Variants in TMEM39B observed in about 807,000 individuals in gnomAD.
TMEM39B encodes the protein transmembrane protein 39B.
Under a neutral mutation model 52.2 loss-of-function variants are expected in TMEM39B, and 23 were observed. The observed-to-expected ratio is 0.44, with a 90% confidence interval of 0.32 to 0.62. The LOEUF (loss-of-function observed/expected upper bound fraction) is 0.62, where lower values mean the gene tolerates loss of function less well. TMEM39B is among the 20% of genes least tolerant of loss of function. TMEM39B has a pLI of 0.06. For missense variants in TMEM39B, 547 were observed against 642.0 expected (o/e 0.85, Z 1.60); for synonymous variants, 285 against 264.0 (o/e 1.08, Z -0.77).
At chr1:32,093,569 G>T (rs1304017259) in intron 6 of TMEM39B, among the ~76,000 whole-genome samples, 1 of 149,900 alleles carries the variant, frequency 6.7e-6, no homozygotes, top group African/African-American at 2.5e-5. Context: ...GCAGCACCAT[G>T]CCCGGCTAAT....
intron 5 of TMEM39B, among the ~76,000 whole-genome samples, chr1:32,081,039 A>G (rs1051329823): frequency 6.6e-6 from 1 of 151,948 alleles, no homozygotes; most frequent in African/African-American, 2.4e-5. Flanking sequence ...CTAAAAATAA[A>G]TAAATAAATA....
At chr1:32,075,485 G>A (rs1639815376) in intron 2 of TMEM39B, 118 bp from the exon 3 acceptor site, 2 of 1,039,304 alleles carry the variant, frequency 1.9e-6, no homozygotes, top group African/African-American at 1.6e-5. Context: ...GGATTAGGAA[G>A]ACCCCGTCCT....
Position 32,091,738 on chromosome 1 carries a change from C to T in TMEM39B, c.654C>T (p.Asn218=). The T allele has an allele frequency of 6.2e-7, 1 of 1,614,190 alleles. No individual in the cohort carries two copies. Among genetic ancestry groups the T allele is most frequent in the South Asian group, 1.1e-5 (1 of 91,080 alleles). Residue 218 remains asparagine, a synonymous_variant, in exon 6 of 9, where the codon AAC becomes AAT. Coordinates refer to ENST00000336294, the MANE Select transcript of TMEM39B (RefSeq NM_018056.4). ...ACCTCCGCAAGACAAGCCTCTTCAACCACATGGCCTCCATGGGGCCCCGGG... is the reference window on the plus strand; with the variant it reads ...ACCTCCGCAAGACAAGCCTCTTCAATCACATGGCCTCCATGGGGCCCCGGG... ...NCDLRKTSLF[N]HMASMGPREA...
Position 32,074,994 on chromosome 1 carries a change from G to A in TMEM39B, c.48G>A (p.Pro16=), listed in dbSNP as rs769208259. 9 of 1,551,464 alleles carry A rather than the reference G, an allele frequency of 5.8e-6. No homozygotes were observed. The highest frequency in any genetic ancestry group is 2.7e-5 in the African/African-American group (2 of 73,024). Residue 16 remains proline (P), a synonymous_variant, in exon 2 of 9, where the codon CCG becomes CCA. Coordinates refer to ENST00000336294, the MANE Select transcript of TMEM39B (RefSeq NM_018056.4). The part of the protein sequence containing the change: ...GPNRTSYCRN[P]LCEPGSSGGS... ...ACAGGACATCTTACTGTCGAAATCC[G>A]CTCTGTGAGCCGGGATCCTCGGGGG...
At chr1:32,089,697 A>G (rs1018450528) in intron 5 of TMEM39B, among the ~76,000 whole-genome samples, 1 of 148,382 alleles carries the variant, frequency 6.7e-6, no homozygotes, top group African/African-American at 2.5e-5. Flanking sequence ...CCCAGGCTGG[A>G]GTGCAGTGGT....
rs1178215057 is a variant in TMEM39B, at chr1:32,076,103, CTTTTTT to C, written c.351+301_351+306del. 7.6e-3 allele frequency: 581 copies of C among 76,236 alleles called. 5 individuals carry two copies. Among genetic ancestry groups the C allele is most frequent in the African/African-American group, 0.03 (558 of 18,740 alleles). 4.7% of individuals were successfully genotyped at this position (76,236 alleles called of 1,614,324 possible). On this transcript the variant is annotated intron_variant, in intron 3 of 8. Transcript: ENST00000336294. ...CAGAGTCCTTTTCTTTTCTTTTCTT[CTTTTTT>C]TTTTTTTTTTTTTTTTTTTGAGACG...
At chr1:32,089,985 C>T (rs183175126) in intron 5 of TMEM39B, among the ~76,000 whole-genome samples, 38 of 151,448 alleles carry the variant, frequency 2.5e-4, no homozygotes, top group African/African-American at 9.0e-4. Flanking sequence ...GCTAAGATCG[C>T]GGCACTGCAC....
Position 32,077,193 on chromosome 1 carries a change from T to C in TMEM39B, c.465T>C (p.Phe155=), listed in dbSNP as rs1012050500. The change falls in exon 5 of 9, where the codon TTT becomes TTC. Residue 155 remains phenylalanine (F), a synonymous_variant. Transcript: ENST00000336294. The part of the protein sequence containing the change: ...EASQRGKVSL[F]RSILLFLTRF... ...CTCAGAGGGGGAAGGTCTCCCTCTT[T>C]CGCTCCATCCTGCTGTTCCTCACTC... is the stretch of plus-strand genomic sequence containing the variant. The C allele has an allele frequency of 1.9e-6, 3 of 1,614,046 alleles. No homozygotes were observed. In the African/African-American group the frequency reaches 4.0e-5, roughly 22 times the overall value.
rs568803020 is a variant in TMEM39B at position 32,079,718 on chromosome 1, C to G, written c.590+2400C>G. 2.6e-5 allele frequency among the ~76,000 whole-genome samples: 4 copies of G among 152,024 alleles called. No individual in the cohort carries two copies. In the East Asian group the frequency reaches 7.7e-4, roughly 29 times the overall value. On this transcript the variant is annotated intron_variant, in intron 5 of 8. Coordinates refer to ENST00000336294, the MANE Select transcript of TMEM39B (RefSeq NM_018056.4). ...CCTGCTGCCTCATTTTTTTAATGGC[C>G]TCGCAGTATTCTATGTTATAGAATT...
chr1:32,091,927 C>T lies in TMEM39B; in HGVS notation c.843C>T (p.Asp281=), dbSNP rs750749250. ...IRSEVEFLKM[D]FNWRMKEVLV... Reference sequence around the variant, plus strand: ...GTGAGGTGGAGTTCCTCAAGATGGACTTCAACTGGCGCATGAAGGAAGTGC... The same window carrying T: ...GTGAGGTGGAGTTCCTCAAGATGGATTTCAACTGGCGCATGAAGGAAGTGC... The change falls in exon 6 of 9, where the codon GAC becomes GAT. Residue 281 remains aspartate (D), a synonymous_variant. Transcript: ENST00000336294. The T allele has an allele frequency of 1.2e-6, 2 of 1,614,104 alleles. No homozygotes were observed. Among genetic ancestry groups the T allele is most frequent in the South Asian group, 1.1e-5 (1 of 91,090 alleles).
In TMEM39B at chr1:32,092,005, C is replaced by T. The variant is rs368485539; in HGVS notation, c.921C>T (p.Phe307=). 124 of 1,612,796 alleles carry T rather than the reference C, an allele frequency of 7.7e-5. No individual in the cohort carries two copies. The South Asian group carries it at 9.0e-4, about 12-fold the overall frequency. Residue 307 remains phenylalanine, a synonymous_variant, in exon 6 of 9, where the codon TTC becomes TTT. Coordinates refer to ENST00000336294, the MANE Select transcript of TMEM39B (RefSeq NM_018056.4). ...AYYVAFVPVW[F]VKNTHYYDKR... Reference sequence around the variant, plus strand: ...ATGTGGCCTTTGTGCCTGTCTGGTTCGTGAAGGTGCGTACCTCAAGCCAGG... The same window carrying T: ...ATGTGGCCTTTGTGCCTGTCTGGTTTGTGAAGGTGCGTACCTCAAGCCAGG...
intron 5 of TMEM39B, among the ~76,000 whole-genome samples, chr1:32,085,836 A>G (rs1640326686): frequency 2.0e-5 from 3 of 151,846 alleles, no homozygotes; most frequent in Admixed American, 1.3e-4. Context: ...CTTGTTTTCC[A>G]AGTATAGTTG....
chr1:32,102,423 C>T lies in TMEM39B; in HGVS notation c.1237-8C>T. On this transcript the variant is annotated splice_polypyrimidine_tract_variant and splice_region_variant and intron_variant, in intron 8 of 8. Coordinates refer to ENST00000336294, the MANE Select transcript of TMEM39B (RefSeq NM_018056.4). ...ACCTTTTAGCCATGCCCACCCGCTT[C>T]CGGGCAGTTCTTTTTCAGCAAACCC... The T allele has an allele frequency of 6.2e-7, 1 of 1,612,780 alleles. No homozygotes were observed. Among genetic ancestry groups the T allele is most frequent in the African/African-American group, 1.3e-5 (1 of 74,992 alleles).
intron 7 of TMEM39B, among the ~76,000 whole-genome samples, chr1:32,097,150 A>G (rs971408073): frequency 6.6e-6 from 1 of 152,156 alleles, no homozygotes; most frequent in African/African-American, 2.4e-5. Context: ...ATAAAGGTAT[A>G]TATACTCATG....
At position 32,094,755 on chromosome 1, in the gene TMEM39B, AG is replaced by A. The variant is rs547123912; in HGVS notation, c.928-27del. Reference sequence around the variant, plus strand: ...GGAATGAGGCCATTATGGGGATCCCAGGCCTCACCCACCTTCTGCTACCCCC... The same window carrying A: ...GGAATGAGGCCATTATGGGGATCCCAGCCTCACCCACCTTCTGCTACCCCC... On this transcript the variant is annotated intron_variant, in intron 6 of 8. Coordinates refer to ENST00000336294, the MANE Select transcript of TMEM39B (RefSeq NM_018056.4). 171 of 1,612,276 alleles carry A rather than the reference AG, an allele frequency of 1.1e-4. 1 individual carries two copies. The South Asian group carries it at 1.8e-3, about 17-fold the overall frequency.
intron 5 of TMEM39B, among the ~76,000 whole-genome samples, chr1:32,081,186 TTTTA>T (rs959346706): frequency 6.7e-6 from 1 of 148,646 alleles, no homozygotes; most frequent in African/African-American, 2.5e-5. Context: ...TTCTGGGTTT[TTTTA>T]TTTGTTTGTT....
At chr1:32,073,196 C>A in intron 1 of TMEM39B, 145 bp downstream of exon 1, 1 of 1,120,184 alleles carries the variant, frequency 8.9e-7, no homozygotes, top group Non-Finnish European at 1.2e-6. Flanking sequence ...CCCGCCCCCT[C>A]CTGTCGTTTT....
chr1:32,079,998 G>A (rs1640027862), intron 5 of TMEM39B, among the ~76,000 whole-genome samples: 1 of 151,792 alleles, frequency 6.6e-6, no homozygotes, highest in Non-Finnish European at 1.5e-5. Flanking sequence ...CAGGTGATCC[G>A]CCTGCCTTGG....
chr1:32,079,597 C>T (rs779546498), intron 5 of TMEM39B, among the ~76,000 whole-genome samples: 2 of 152,090 alleles, frequency 1.3e-5, no homozygotes, highest in Admixed American at 1.3e-4. Flanking sequence ...GGCACCTCAT[C>T]GGCATAGCAC....
Sources: gnomAD v4.1 joint callset for allele counts (sites outside exome capture counted in the v4.1 genomes callset) on GRCh38, gnomAD v4.1.1 for gene constraint, MANE v1.5 for transcripts, NCBI Gene and HGNC (gene_info 2026-07-23, HGNC 2026-07-21) for gene names.